SCARB1: variants seen among roughly 807,000 people sequenced by gnomAD.
SCARB1 encodes the protein scavenger receptor class B member 1.
Under a neutral mutation model 57.2 loss-of-function variants are expected in SCARB1, and 30 were observed. That is an observed-to-expected ratio of 0.52 (90% CI 0.39 to 0.71). The LOEUF (loss-of-function observed/expected upper bound fraction) is 0.71. SCARB1 is among the 30% of genes least tolerant of loss of function. The pLI, the probability that SCARB1 is intolerant of heterozygous loss-of-function variation, is 0.00. For missense variants in SCARB1, 543 were observed against 671.2 expected (o/e 0.81, Z 2.11); for synonymous variants, 249 against 268.3 (o/e 0.93, Z 0.70).
At chr12:124,861,368 G>A (rs1367022541) in intron 1 of SCARB1, among the ~76,000 whole-genome samples, 1 of 151,988 alleles carries the variant, frequency 6.6e-6, no homozygotes, top group Admixed American at 6.6e-5. Flanking sequence ...ATTTTGGGGG[G>A]ATTTTTTCTG....
In SCARB1 at chr12:124,807,666, G is replaced by T; in HGVS notation, c.1009+95C>A. ...TAATGGGATTATCAAGAGTACAGAG[G>T]CCAGAGATTAAGCAGACAGCACTGG... On this transcript the variant is annotated intron_variant, in intron 7 of 12. Coordinates refer to ENST00000261693, the MANE Select transcript of SCARB1 (RefSeq NM_005505.5). This position sits in a 1 kb window ranked among gnomAD's most constrained non-coding sequence, Gnocchi z 5.3. The T allele has an allele frequency of 8.3e-7, 1 of 1,206,896 alleles. No homozygotes were observed. Among genetic ancestry groups the T allele is most frequent in the Non-Finnish European group, 1.2e-6 (1 of 829,988 alleles). The allele number at this position is 1,206,896 out of a possible 1,614,324, so 74.8% of individuals were successfully genotyped here.
chr12:124,850,644 T>C (rs555178492), intron 1 of SCARB1, among the ~76,000 whole-genome samples: 137 of 152,362 alleles, frequency 9.0e-4, no homozygotes, highest in Middle Eastern at 3.4e-3. Flanking sequence ...CACTCCAGCC[T>C]GGGCAACAAG....
chr12:124,819,007 G>A (rs1950844661), intron 1 of SCARB1, among the ~76,000 whole-genome samples: 1 of 151,956 alleles, frequency 6.6e-6, no homozygotes. Context: ...CACACCTGTA[G>A]TCCCAGCTAC....
At chr12:124,799,309 G>A (rs1950056005) in intron 8 of SCARB1, among the ~76,000 whole-genome samples, 1 of 152,158 alleles carries the variant, frequency 6.6e-6, no homozygotes, top group Non-Finnish European at 1.5e-5. Context: ...AGGATCGCTT[G>A]AGCCCAAGAG....
chr12:124,794,124 G>A (rs1003276571), intron 9 of SCARB1, among the ~76,000 whole-genome samples: 2 of 152,196 alleles, frequency 1.3e-5, no homozygotes, highest in Admixed American at 6.5e-5. Context: ...GTGGATGAAC[G>A]GTTGCCTGGG....
chr12:124,830,835 C>T (rs7488092), intron 1 of SCARB1, among the ~76,000 whole-genome samples: 99,648 of 152,046 alleles, frequency 0.66, 33,411 homozygotes, highest in African/African-American at 0.8. Flanking sequence ...TTTTTTCAGA[C>T]AGAGTCTCAC....
At chr12:124,808,485 A>G (rs1037806299) in intron 6 of SCARB1, among the ~76,000 whole-genome samples, 3 of 151,852 alleles carry the variant, frequency 2.0e-5, no homozygotes. Flanking sequence ...TCCTAAGCAC[A>G]CTCACTCCTG....
rs530125582 is a variant in SCARB1, at chr12:124,778,425, C to T, written c.*162G>A. 17 of 1,288,332 alleles carry T rather than the reference C, an allele frequency of 1.3e-5. No individual in the cohort carries two copies. Among genetic ancestry groups the T allele is most frequent in the East Asian group, 6.3e-5 (2 of 31,926 alleles). The allele number at this position is 1,288,332 out of a possible 1,614,324, so 79.8% of individuals were successfully genotyped here. A position where few individuals can be genotyped will look rare whatever the true frequency, so the allele number is the denominator to read the frequency against. ...ACGCATGTGTGTATGTGTGCCAGGG[C>T]GTGTGTGCAGGTGTGCAACAGGCAC... is the stretch of plus-strand genomic sequence containing the variant. On this transcript the variant is annotated 3_prime_UTR_variant, in exon 13 of 13. Coordinates refer to ENST00000261693, the MANE Select transcript of SCARB1 (RefSeq NM_005505.5).
At position 124,814,547 on chromosome 12, in the gene SCARB1, T is replaced by C. The variant is rs542342458; in HGVS notation, c.427-142A>G. 9 of 828,434 alleles carry C rather than the reference T, an allele frequency of 1.1e-5. No individual in the cohort carries two copies. The African/African-American group carries it at 1.2e-4, about 11-fold the overall frequency. The allele number at this position is 828,434 out of a possible 1,614,324, so 51.3% of individuals were successfully genotyped here. On this transcript the variant is annotated intron_variant, in intron 3 of 12. Coordinates refer to ENST00000261693, the MANE Select transcript of SCARB1 (RefSeq NM_005505.5). The surrounding 1 kb of genome is among the most constrained non-coding windows in gnomAD (Gnocchi z 4.7). ...GCCCCTGGAGTGGCCACGTGGGGCA[T>C]CTGGGACACCAGAACCACCCTCTGC... is the stretch of plus-strand genomic sequence containing the variant.
In SCARB1 at chr12:124,863,837, G is replaced by A; in HGVS notation, c.-117C>T. 7.9e-7 allele frequency: 1 copy of A among 1,264,764 alleles called. No homozygotes were observed. 78.3% of individuals were successfully genotyped at this position (1,264,764 alleles called of 1,614,324 possible). A position where few individuals can be genotyped will look rare whatever the true frequency, so the allele number is the denominator to read the frequency against. On this transcript the variant is annotated 5_prime_UTR_variant, in exon 1 of 13. Coordinates refer to ENST00000261693, the MANE Select transcript of SCARB1 (RefSeq NM_005505.5). ...CGGGCACGCAGGCCGCAGAGGCACG[G>A]TGGATCCGGGACGGCAGCGCACGCA...
At chr12:124,784,272 C>G (rs1949431018) in intron 11 of SCARB1, 1 of 152,256 alleles carries the variant, frequency 6.6e-6, no homozygotes, top group African/African-American at 2.4e-5. Flanking sequence ...GGAGGGAGTT[C>G]CATTTTGCTC....
At position 124,796,555 on chromosome 12, in the gene SCARB1, C is replaced by T. The variant is rs148572216; in HGVS notation, c.1129-1287G>A. Among the ~76,000 whole-genome samples, 379 of 152,300 alleles carry T rather than the reference C, an allele frequency of 2.5e-3. 4 individuals are homozygous for T. Among genetic ancestry groups the T allele is most frequent in the African/African-American group, 8.1e-3 (338 of 41,566 alleles). ...GTTGGTTCTTCTTAACTGAGAGTCG[C>T]GTCCTCATCTGTAAAACAGAGAGAA... On this transcript the variant is annotated intron_variant, in intron 8 of 12. Transcript: ENST00000261693. The surrounding 1 kb of genome is among the most constrained non-coding windows in gnomAD (Gnocchi z 4.0).
At chr12:124,859,120 G>A (rs1952775655) in intron 1 of SCARB1, among the ~76,000 whole-genome samples, 1 of 152,152 alleles carries the variant, frequency 6.6e-6, no homozygotes, top group Non-Finnish European at 1.5e-5. Flanking sequence ...AGGGCTTCAA[G>A]TGACCCTCCC....
intron 1 of SCARB1, among the ~76,000 whole-genome samples, chr12:124,830,352 T>C (rs1951335978): frequency 6.6e-6 from 1 of 151,928 alleles, no homozygotes; most frequent in African/African-American, 2.4e-5. Context: ...CCCAGAAAAA[T>C]GAAAGCATGC....
chr12:124,815,009 C>G lies in SCARB1; in HGVS notation c.390G>C (p.Glu130Asp). The G allele has an allele frequency of 3.1e-6, 5 of 1,614,224 alleles. No individual in the cohort carries two copies. Among genetic ancestry groups the G allele is most frequent in the South Asian group, 1.1e-5 (1 of 91,074 alleles). The change falls in exon 3 of 13, where the codon GAG (glutamate) becomes GAC (aspartate). Residue 130 changes from glutamate to aspartate, a missense_variant. Glu to Asp is a conservative substitution (Grantham distance 45). Coordinates refer to ENST00000261693, the MANE Select transcript of SCARB1 (RefSeq NM_005505.5). The part of the protein sequence containing the change: ...QFQPSKSHGS[E>D]SDYIVMPNIL... ...TGTTGGGCATGACGATGTAGTCGCT[C>G]TCCGAGCCGTGGGACTTGGAGGGCT...
chr12:124,798,335 C>T (rs1312811939), intron 8 of SCARB1, among the ~76,000 whole-genome samples: 4 of 151,930 alleles, frequency 2.6e-5, no homozygotes, highest in African/African-American at 9.7e-5. Flanking sequence ...TGCTTGAACC[C>T]AGGAGGCAGA....
chr12:124,857,830 A>C (rs1007720569), intron 1 of SCARB1, among the ~76,000 whole-genome samples: 4 of 152,320 alleles, frequency 2.6e-5, no homozygotes, highest in Admixed American at 1.3e-4. Context: ...ACTTAAAGAC[A>C]GCAGAGGGGA....
chr12:124,780,845 C>T (rs1042601185), intron 12 of SCARB1, among the ~76,000 whole-genome samples: 39 of 152,258 alleles, frequency 2.6e-4, no homozygotes, highest in African/African-American at 9.4e-4. Context: ...TCTACACTGA[C>T]CAGGCCCTGA....
chr12:124,837,229 G>A (rs1229936436), intron 1 of SCARB1, among the ~76,000 whole-genome samples: 1 of 152,122 alleles, frequency 6.6e-6, no homozygotes, highest in African/African-American at 2.4e-5. Flanking sequence ...AAGTCAGACA[G>A]TGAATATGCC....
Sources: allele counts gnomAD v4.1 joint callset (sites outside exome capture counted in the v4.1 genomes callset), GRCh38; gene constraint gnomAD v4.1.1; non-coding constraint Gnocchi (gnomAD v3.1); transcripts MANE v1.5; gene names NCBI Gene and HGNC (gene_info 2026-07-23, HGNC 2026-07-21).